Variants in PIGP observed in about 807,000 individuals in gnomAD.
PIGP encodes the protein phosphatidylinositol glycan anchor biosynthesis class P.
PIGP carries 12 observed loss-of-function variants against 16.9 expected under a neutral mutation model. The ratio of observed to expected loss-of-function variants is 0.71; its 90% CI spans 0.46 to 1.15. PIGP has a LOEUF of 1.15. PIGP is among the 50% of genes most tolerant of loss of function. PIGP has a pLI of 0.00. For missense variants in PIGP, 159 were observed against 153.5 expected, an observed-to-expected ratio of 1.04 and a Z score of -0.19; for synonymous variants, 57 against 54.7, an observed-to-expected ratio of 1.04 and a Z score of -0.18.
In PIGP at chr21:37,072,218, C is replaced by G. The variant is rs1228755930; in HGVS notation, c.82+216G>C. ...GGCTTTATCCACTTTGCCATCGCGTCTGGTGCTGTATAAATATTTGTAGAG... is the reference window on the plus strand; with the variant it reads ...GGCTTTATCCACTTTGCCATCGCGTGTGGTGCTGTATAAATATTTGTAGAG... On this transcript the variant is annotated intron_variant, in intron 2 of 4. Transcript: ENST00000360525. The G allele has an allele frequency of 4.3e-6, 7 of 1,610,080 alleles. No homozygotes were observed. The African/African-American group carries it at 6.7e-5, about 15-fold the overall frequency.
Position 37,065,481 on chromosome 21 carries a change from C to T in PIGP, c.*101G>A. The stretch of plus-strand genomic sequence containing the variant: ...AGGTCAACTTACATTTTTTACTTCT[C>T]TATTAATAAGAGAGATGGTCAAATT... On this transcript the variant is annotated 3_prime_UTR_variant, in exon 5 of 5. Coordinates refer to ENST00000360525, the MANE Select transcript of PIGP (RefSeq NM_153682.3). 2 of 1,174,322 alleles carry T rather than the reference C, an allele frequency of 1.7e-6. No individual in the cohort carries two copies. Among genetic ancestry groups the T allele is most frequent in the Non-Finnish European group, 2.4e-6 (2 of 837,144 alleles). 72.7% of individuals were successfully genotyped at this position (1,174,322 alleles called of 1,614,324 possible).
chr21:37,066,653 TGAG>T (rs1486904238), intron 4 of PIGP, among the ~76,000 whole-genome samples: 1 of 152,212 alleles, frequency 6.6e-6, no homozygotes, highest in East Asian at 1.9e-4. Context: ...ACAATGATCC[TGAG>T]GAGGATACAC....
At chr21:37,072,393 G>A (rs767127975) in intron 2 of PIGP, 41 bp downstream of exon 2, 19 of 1,611,968 alleles carry the variant, frequency 1.2e-5, no homozygotes, top group Non-Finnish European at 8.5e-7. Flanking sequence ...GTCACTGAAC[G>A]CCAGAAAAAG....
intron 4 of PIGP, among the ~76,000 whole-genome samples, chr21:37,066,175 G>C (rs2069900526): frequency 6.6e-6 from 1 of 152,048 alleles, no homozygotes; most frequent in African/African-American, 2.4e-5. Context: ...AACTTGGAAA[G>C]AAATCAATAT....
intron 4 of PIGP, among the ~76,000 whole-genome samples, chr21:37,066,155 T>C (rs2146804935): frequency 6.6e-6 from 1 of 152,024 alleles, no homozygotes; most frequent in South Asian, 2.1e-4. Context: ...AAAGTACTTT[T>C]TTCATCTCTA....
chr21:37,067,979 T>C (rs771499385), intron 3 of PIGP, among the ~76,000 whole-genome samples: 8 of 151,150 alleles, frequency 5.3e-5, no homozygotes, highest in Non-Finnish European at 1.0e-4. Context: ...TCAGTATCAT[T>C]ATGTACATGG....
chr21:37,069,398 T>C, intron 3 of PIGP, 154 bp downstream of exon 3: 2 of 478,354 alleles, frequency 4.2e-6, no homozygotes, highest in South Asian at 4.4e-5. Context: ...TAGAGATGTA[T>C]CAATAGCGAT....
chr21:37,069,463 T>C (rs1412656816), intron 3 of PIGP, 89 bp downstream of exon 3: 3 of 736,590 alleles, frequency 4.1e-6, no homozygotes, highest in African/African-American at 3.6e-5. Flanking sequence ...AGAGAACAAA[T>C]ATTTAAGATT....
At position 37,065,558 on chromosome 21, in the gene PIGP, G is replaced by T; in HGVS notation, c.*24C>A. 6.3e-7 allele frequency: 1 copy of T among 1,594,562 alleles called. No individual in the cohort carries two copies. Among genetic ancestry groups the T allele is most frequent in the Non-Finnish European group, 8.5e-7 (1 of 1,173,742 alleles). On this transcript the variant is annotated 3_prime_UTR_variant, in exon 5 of 5. Coordinates refer to ENST00000360525, the MANE Select transcript of PIGP (RefSeq NM_153682.3). ...AAAACTTATAAATAAATACGTGCTT[G>T]GTGTTACTATGGTTACACACAGTTC...
Position 37,072,487 on chromosome 21 carries a change from GGC to G in PIGP, c.27_28del (p.Leu9PhefsTer29). On this transcript the variant is annotated frameshift_variant, in exon 2 of 5. Coordinates refer to ENST00000360525, the MANE Select transcript of PIGP (RefSeq NM_153682.3). LOFTEE classifies it high-confidence loss of function. ...AACAAAGCCATAAATCGCTCTTTCT[GGC>G]AATGGCGACGGTGAATTTTCCACCA... 1.2e-6 allele frequency: 2 copies of G among 1,614,234 alleles called. No individual in the cohort carries two copies. The highest frequency in any genetic ancestry group is 1.7e-6 in the Non-Finnish European group (2 of 1,180,038).
intron 4 of PIGP, 65 bp from the exon 5 acceptor site, chr21:37,065,777 T>C (rs928756293): frequency 1.7e-5 from 25 of 1,437,842 alleles, no homozygotes; most frequent in Admixed American, 1.5e-4. Context: ...CTGTGTCTGA[T>C]GGAGACCCAC....
intron 3 of PIGP, among the ~76,000 whole-genome samples, chr21:37,067,991 G>A (rs2069935802): frequency 7.0e-6 from 1 of 143,758 alleles, no homozygotes; most frequent in Admixed American, 7.2e-5. Context: ...TGTACATGGA[G>A]TGCTATTTTT....
In PIGP at chr21:37,072,547, A is replaced by AG; in HGVS notation, c.-22-11dup. Reference sequence around the variant, plus strand: ...TGGGGCTTTAGACAATCTGTGGAAAAGGAACACAATCAGCGTCAGCGATGT... The same window carrying AG: ...TGGGGCTTTAGACAATCTGTGGAAAAGGGAACACAATCAGCGTCAGCGATGT... On this transcript the variant is annotated splice_polypyrimidine_tract_variant and intron_variant, in intron 1 of 4. Coordinates refer to ENST00000360525, the MANE Select transcript of PIGP (RefSeq NM_153682.3). 1 of 1,614,170 alleles carries AG rather than the reference A, an allele frequency of 6.2e-7. No homozygotes were observed. The highest frequency in any genetic ancestry group is 8.5e-7 in the Non-Finnish European group (1 of 1,179,974).
intron 3 of PIGP, among the ~76,000 whole-genome samples, chr21:37,068,272 AT>A (rs1396776562): frequency 6.6e-6 from 1 of 151,008 alleles, no homozygotes; most frequent in Non-Finnish European, 1.5e-5. Context: ...AATAGTTTGA[AT>A]TTTTAACGAT....
At chr21:37,072,392 C>T (rs1361117715) in intron 2 of PIGP, 42 bp downstream of exon 2, 3 of 1,611,970 alleles carry the variant, frequency 1.9e-6, no homozygotes, top group East Asian at 2.2e-5. Flanking sequence ...TGTCACTGAA[C>T]GCCAGAAAAA....
intron 3 of PIGP, 67 bp from the exon 4 acceptor site, chr21:37,067,447 C>A: frequency 1.2e-6 from 1 of 850,318 alleles, no homozygotes; most frequent in South Asian, 1.5e-5. Flanking sequence ...AAGAGTCGGT[C>A]ACAAAGCCAA....
At chr21:37,069,049 G>A (rs1458852124) in intron 3 of PIGP, among the ~76,000 whole-genome samples, 2 of 152,176 alleles carry the variant, frequency 1.3e-5, no homozygotes, top group Admixed American at 6.6e-5. Context: ...TTTGAAGGCT[G>A]AAGACTTCAT....
At chr21:37,066,952 G>A (rs1435723482) in intron 4 of PIGP, among the ~76,000 whole-genome samples, 2 of 149,636 alleles carry the variant, frequency 1.3e-5, no homozygotes, top group East Asian at 2.0e-4. Flanking sequence ...ATTTCTCTTA[G>A]TAGCTTCTTT....
At chr21:37,065,791 A>G in intron 4 of PIGP, 79 bp from the exon 5 acceptor site, 2 of 1,247,180 alleles carry the variant, frequency 1.6e-6, no homozygotes, top group Non-Finnish European at 2.3e-6. Flanking sequence ...GACCCACCAC[A>G]TAGTTTACTA....
Sources: allele counts gnomAD v4.1 joint callset (sites outside exome capture counted in the v4.1 genomes callset), GRCh38; gene constraint gnomAD v4.1.1; transcripts MANE v1.5; gene names NCBI Gene and HGNC (gene_info 2026-07-23, HGNC 2026-07-21).